The following GLI2 variants were observed in gnomAD, a reference collection of about 807,000 sequenced individuals.
The protein encoded by GLI2 is GLI family zinc finger 2.
A neutral mutation model predicts 78.9 loss-of-function variants in GLI2; 22 were observed. That is an observed-to-expected ratio of 0.28 (90% CI 0.20 to 0.40). The LOEUF (loss-of-function observed/expected upper bound fraction) is 0.40. GLI2 is among the 10% of genes least tolerant of loss of function. The pLI is 1.00. For missense variants in GLI2, 2,097 were observed against 2,213.2 expected (o/e 0.95, Z 1.05); for synonymous variants, 974 against 963.7 (o/e 1.01, Z -0.20).
chr2:120,847,761 CG>C (rs138384184), intron 2 of GLI2, among the ~76,000 whole-genome samples: 22 of 103,802 alleles, frequency 2.1e-4, no homozygotes, highest in Admixed American at 1.7e-3. Context: ...GGGGCAGGGG[CG>C]GGGGGGCGGT....
intron 1 of GLI2, among the ~76,000 whole-genome samples, chr2:120,790,323 ACTGT>A (rs1290848558): frequency 2.0e-5 from 3 of 152,110 alleles, no homozygotes; most frequent in African/African-American, 4.8e-5. Context: ...CATCCCCCTC[ACTGT>A]CTGTGGGAAG....
chr2:120,939,469 T>G (rs940475832), intron 3 of GLI2, among the ~76,000 whole-genome samples: 7 of 152,308 alleles, frequency 4.6e-5, no homozygotes, highest in Middle Eastern at 3.4e-3. Flanking sequence ...TTATCACCCC[T>G]CACATCTTAT....
intron 2 of GLI2, among the ~76,000 whole-genome samples, chr2:120,897,552 A>G (rs910197048): frequency 1.3e-5 from 2 of 152,120 alleles, no homozygotes; most frequent in African/African-American, 2.4e-5. Context: ...AGGCCAGGGG[A>G]TTGATTCTGT....
At chr2:120,986,246 G>T in intron 12 of GLI2, 32 bp from the exon 13 acceptor site, 1 of 1,594,256 alleles carries the variant, frequency 6.3e-7, no homozygotes, top group South Asian at 1.1e-5. Flanking sequence ...GATACCCTCT[G>T]AGTCTGAGCC....
At chr2:120,883,986 C>T (rs1263480192) in intron 2 of GLI2, among the ~76,000 whole-genome samples, 11 of 152,164 alleles carry the variant, frequency 7.2e-5, no homozygotes, top group Admixed American at 2.0e-4. Flanking sequence ...TGCACCCTTC[C>T]GCAGGCCACC....
chr2:120,849,092 G>A (rs934952352), intron 2 of GLI2, among the ~76,000 whole-genome samples: 1 of 152,192 alleles, frequency 6.6e-6, no homozygotes, highest in African/African-American at 2.4e-5. Flanking sequence ...TAGAGGACAC[G>A]TCCTCATGAT....
chr2:120,972,259 A>G (rs1682221826), intron 8 of GLI2, among the ~76,000 whole-genome samples, 196 bp downstream of exon 8: 1 of 152,212 alleles, frequency 6.6e-6, no homozygotes. Context: ...TGGACATACT[A>G]CATTCCCATC....
chr2:120,750,129 C>T (rs1682818919), intron 1 of GLI2, among the ~76,000 whole-genome samples: 1 of 152,262 alleles, frequency 6.6e-6, no homozygotes, highest in African/African-American at 2.4e-5. Flanking sequence ...CATCCTCTGC[C>T]TGGGTGGCCC....
chr2:120,911,913 A>C (rs1678841942), intron 2 of GLI2, among the ~76,000 whole-genome samples: 1 of 151,984 alleles, frequency 6.6e-6, no homozygotes, highest in Admixed American at 6.5e-5. Context: ...GGGCTGGGAG[A>C]GTCTGTGGGG....
intron 1 of GLI2, among the ~76,000 whole-genome samples, chr2:120,765,508 G>C (rs957466617): frequency 1.3e-5 from 2 of 152,234 alleles, no homozygotes; most frequent in African/African-American, 2.4e-5. Flanking sequence ...CCAAGGGAGA[G>C]GGCCAGCTGG....
At chr2:120,802,425 T>C (rs1684748149) in intron 2 of GLI2, among the ~76,000 whole-genome samples, 1 of 152,208 alleles carries the variant, frequency 6.6e-6, no homozygotes, top group Non-Finnish European at 1.5e-5. Flanking sequence ...CTTTTGCTGT[T>C]GTGCTAACAC....
intron 2 of GLI2, chr2:120,866,700 C>G (rs1229881629): frequency 6.6e-6 from 1 of 152,150 alleles, no homozygotes; most frequent in African/African-American, 2.4e-5. Flanking sequence ...CAGCCCTCAC[C>G]AGCGGGTCCG....
intron 2 of GLI2, among the ~76,000 whole-genome samples, chr2:120,821,958 A>G (rs1685797456): frequency 6.6e-6 from 1 of 152,186 alleles, no homozygotes. Flanking sequence ...GCCGGGAGAA[A>G]GTGGCACTGG....
At chr2:120,900,947 G>A (rs1257599819) in intron 2 of GLI2, among the ~76,000 whole-genome samples, 1 of 152,124 alleles carries the variant, frequency 6.6e-6, no homozygotes, top group East Asian at 1.9e-4. Flanking sequence ...TTTTTAAGAG[G>A]GAGAACAGAG....
At chr2:120,766,631 T>C (rs966616516) in intron 1 of GLI2, among the ~76,000 whole-genome samples, 3 of 152,212 alleles carry the variant, frequency 2.0e-5, no homozygotes, top group Non-Finnish European at 4.4e-5. Flanking sequence ...AGCTCTACGC[T>C]CAGACTGGCC....
chr2:120,767,973 C>G (rs1255101623), intron 1 of GLI2, among the ~76,000 whole-genome samples: 1 of 152,198 alleles, frequency 6.6e-6, no homozygotes, highest in East Asian at 1.9e-4. Flanking sequence ...CACCCCCCAC[C>G]ACAGTCAGTG....
At chr2:120,980,882 TA>T (rs1238662911) in intron 10 of GLI2, among the ~76,000 whole-genome samples, 1 of 151,356 alleles carries the variant, frequency 6.6e-6, no homozygotes, top group Non-Finnish European at 1.5e-5. Flanking sequence ...CATTTGGAGT[TA>T]ATTTTTTTTT....
intron 2 of GLI2, among the ~76,000 whole-genome samples, chr2:120,855,406 T>C (rs1382794028): frequency 1.3e-5 from 2 of 152,218 alleles, no homozygotes; most frequent in African/African-American, 4.8e-5. Flanking sequence ...CCAAACAGTC[T>C]GCACAGTGCA....
rs551133652 is a variant in GLI2 at position 120,779,602 on chromosome 2, T to C, written c.-30-17689T>C. Among the ~76,000 whole-genome samples, 16 of 152,382 alleles carry C rather than the reference T, an allele frequency of 1.0e-4. No individual in the cohort carries two copies. The South Asian group carries it at 2.9e-3, about 28-fold the overall frequency. On this transcript the variant is annotated intron_variant, in intron 1 of 13. Transcript: ENST00000361492. ...CTGCCCAGCAAGAGGATTTAGACTC[T>C]TGTGGTTCAGTCATAATAATGGTTG...
Sources: gnomAD v4.1 joint callset for allele counts (sites outside exome capture counted in the v4.1 genomes callset) on GRCh38, gnomAD v4.1.1 for gene constraint, MANE v1.5 for transcripts, NCBI Gene and HGNC (gene_info 2026-07-23, HGNC 2026-07-21) for gene names.